PTGS1: variants seen among roughly 807,000 people sequenced by gnomAD.
PTGS1 encodes the protein prostaglandin G/H synthase 1.
A neutral mutation model predicts 63.0 loss-of-function variants in PTGS1; 40 were observed. That is an observed-to-expected ratio of 0.63 (90% CI 0.49 to 0.83). The LOEUF is 0.83. Among genes scored for constraint, PTGS1 ranks in the 40% least tolerant of loss-of-function variants. PTGS1 has a pLI of 0.00. For missense variants in PTGS1, 709 were observed against 786.5 expected (o/e 0.90, Z 1.18); for synonymous variants, 298 against 301.9 (o/e 0.99, Z 0.13).
chr9:122,373,414 G>A (rs1233554379), intron 2 of PTGS1, among the ~76,000 whole-genome samples: 7 of 152,140 alleles, frequency 4.6e-5, no homozygotes, highest in African/African-American at 2.4e-5. Context: ...AGAGATGAGG[G>A]CTGCACTCAC....
rs528305071 is a variant in PTGS1, at chr9:122,395,261, G to T, written c.*2717G>T. 1 of 152,338 alleles carries T rather than the reference G, an allele frequency of 6.6e-6. No individual in the cohort carries two copies. The highest frequency in any genetic ancestry group is 2.4e-5 in the African/African-American group (1 of 41,570). 9.4% of individuals were successfully genotyped at this position (152,338 alleles called of 1,614,324 possible). ...ATGAAAGTTTTGCAAAGGGAAACAG[G>T]CTAAATGCACCAAGAAAGCTTCTTC... On this transcript the variant is annotated 3_prime_UTR_variant, in exon 11 of 11. Coordinates refer to ENST00000362012, the MANE Select transcript of PTGS1 (RefSeq NM_000962.4).
intron 2 of PTGS1, among the ~76,000 whole-genome samples, chr9:122,374,797 C>T (rs1326274936): frequency 1.3e-5 from 2 of 152,168 alleles, no homozygotes; most frequent in East Asian, 3.9e-4. Flanking sequence ...TGCATCAAAG[C>T]GACTCTCCCT....
At chr9:122,378,695 C>T in intron 4 of PTGS1, 80 bp from the exon 5 acceptor site, 1 of 1,602,076 alleles carries the variant, frequency 6.2e-7, no homozygotes, top group East Asian at 2.2e-5. Context: ...TAAAATAAGC[C>T]CCAACCCAGG....
rs1402348004 is a variant in PTGS1, at chr9:122,382,911, G to A, written c.763-598G>A. On this transcript the variant is annotated intron_variant, in intron 7 of 10. Transcript: ENST00000362012. ...ATAAACCCAGAGTTGCATAAAGGAT[G>A]AGGAGGAGTTAGGGATGCTAAGAAT... Among the ~76,000 whole-genome samples, 3 of 152,296 alleles carry A rather than the reference G, an allele frequency of 2.0e-5. No homozygotes were observed. In the East Asian group the frequency reaches 5.8e-4, roughly 29 times the overall value.
Position 122,381,482 on chromosome 9 carries a change from A to T in PTGS1, c.608A>T (p.His203Leu). ...CTCATGTTTGCCTTCTTTGCACAAC[A>T]CTTCACCCACCAGTTCTTCAAAACT... ...TNLMFAFFAQHFTHQFFKTSG... is the reference protein window; with the variant it reads ...TNLMFAFFAQLFTHQFFKTSG... The change falls in exon 6 of 11, where the codon CAC (histidine) becomes CTC (leucine). Residue 203 changes from histidine to leucine, a missense_variant. Transcript: ENST00000362012. The T allele has an allele frequency of 1.9e-6, 3 of 1,614,142 alleles. No individual in the cohort carries two copies. The highest frequency in any genetic ancestry group is 2.5e-6 in the Non-Finnish European group (3 of 1,180,020).
Position 122,392,603 on chromosome 9 carries a change from G to A in PTGS1, c.*59G>A. The A allele has an allele frequency of 1.3e-6, 2 of 1,500,368 alleles. No homozygotes were observed. Among genetic ancestry groups the A allele is most frequent in the Non-Finnish European group, 1.8e-6 (2 of 1,095,384 alleles). The allele number at this position is 1,500,368 out of a possible 1,614,324, so 92.9% of individuals were successfully genotyped here. A position where few individuals can be genotyped will look rare whatever the true frequency, so the allele number is the denominator to read the frequency against. ...TTTGTGCTTGTCATTCCAGAGTGCT[G>A]AGGCCAGGGCTGATGGTCTTAAATG... On this transcript the variant is annotated 3_prime_UTR_variant, in exon 11 of 11. Transcript: ENST00000362012.
At chr9:122,389,586 T>C (rs1475141629) in intron 9 of PTGS1, among the ~76,000 whole-genome samples, 2 of 152,158 alleles carry the variant, frequency 1.3e-5, no homozygotes, top group Non-Finnish European at 2.9e-5. Flanking sequence ...TTACACTACC[T>C]CTTGGTGTAA....
intron 2 of PTGS1, among the ~76,000 whole-genome samples, 177 bp downstream of exon 2, chr9:122,371,449 T>C (rs10306117): frequency 0.063 from 9,655 of 152,322 alleles, 657 homozygotes; most frequent in African/African-American, 0.17. Flanking sequence ...CCCGGCGGTG[T>C]GGCCTTGGCT....
intron 2 of PTGS1, chr9:122,375,190 T>C (rs967251590): frequency 5.0e-6 from 3 of 604,680 alleles, no homozygotes; most frequent in African/African-American, 2.0e-5. Flanking sequence ...GTGGTGTTTA[T>C]GGAAAGAACG....
At chr9:122,375,891 G>T (rs1026968573) in intron 2 of PTGS1, among the ~76,000 whole-genome samples, 1 of 152,108 alleles carries the variant, frequency 6.6e-6, no homozygotes, top group Non-Finnish European at 1.5e-5. Flanking sequence ...GAGCCTAGGG[G>T]AGGCCTAACC....
intron 2 of PTGS1, among the ~76,000 whole-genome samples, chr9:122,374,885 A>T (rs935908227): frequency 2.0e-5 from 3 of 152,154 alleles, no homozygotes; most frequent in Admixed American, 6.5e-5. Context: ...TGGCTCCGCA[A>T]CTTCAAAGCA....
chr9:122,380,075 T>C (rs1296733500), intron 5 of PTGS1, among the ~76,000 whole-genome samples: 1 of 152,162 alleles, frequency 6.6e-6, no homozygotes, highest in Non-Finnish European at 1.5e-5. Context: ...TCATTTAAAA[T>C]AGGTTGACAC....
intron 9 of PTGS1, among the ~76,000 whole-genome samples, chr9:122,389,125 G>T (rs1390389738): frequency 6.7e-6 from 1 of 148,802 alleles, no homozygotes; most frequent in Non-Finnish European, 1.5e-5. Context: ...TTCATCCTAA[G>T]CACCAGAGCT....
chr9:122,381,549 T>A lies in PTGS1; in HGVS notation c.675T>A (p.His225Gln). The change falls in exon 6 of 11, where the codon CAT becomes CAA. Residue 225 changes from histidine (H) to glutamine (Q), a missense_variant. His to Gln is a conservative substitution (Grantham distance 24). Coordinates refer to ENST00000362012, the MANE Select transcript of PTGS1 (RefSeq NM_000962.4). ...MGPGFTKALGHGVDLGHIYGD... is the reference protein window; with the variant it reads ...MGPGFTKALGQGVDLGHIYGD... ...CTGGCTTCACCAAGGCCTTGGGCCATGGGGTGAGTACCTAGGAGGGGCTCA... is the reference window on the plus strand; with the variant it reads ...CTGGCTTCACCAAGGCCTTGGGCCAAGGGGTGAGTACCTAGGAGGGGCTCA... 1 of 1,614,126 alleles carries A rather than the reference T, an allele frequency of 6.2e-7. No homozygotes were observed. Among genetic ancestry groups the A allele is most frequent in the Non-Finnish European group, 8.5e-7 (1 of 1,179,984 alleles).
intron 2 of PTGS1, chr9:122,375,254 G>T (rs1018600879): frequency 6.0e-5 from 59 of 982,738 alleles, no homozygotes; most frequent in Non-Finnish European, 6.6e-5. Context: ...GGAGGGAGGA[G>T]CCTCAGCTCC....
intron 5 of PTGS1, among the ~76,000 whole-genome samples, chr9:122,379,790 A>T (rs987310629): frequency 1.3e-5 from 2 of 151,724 alleles, no homozygotes; most frequent in African/African-American, 4.9e-5. Context: ...CTTTTGGTGG[A>T]TTTTCTTTAG....
At chr9:122,391,430 T>TATATAC (rs1564147747) in intron 10 of PTGS1, among the ~76,000 whole-genome samples, 12 of 25,390 alleles carry the variant, frequency 4.7e-4, no homozygotes, top group South Asian at 4.8e-3. Context: ...TATATATACA[T>TATATAC]ATATATATAT....
At chr9:122,391,432 T>TAC (rs1838277280) in intron 10 of PTGS1, among the ~76,000 whole-genome samples, 1 of 128,808 alleles carries the variant, frequency 7.8e-6, no homozygotes. Context: ...TATATACATA[T>TAC]ATATATATAT....
At chr9:122,391,454 A>G (rs1838281004) in intron 10 of PTGS1, among the ~76,000 whole-genome samples, 1 of 132,772 alleles carries the variant, frequency 7.5e-6, no homozygotes, top group Non-Finnish European at 1.6e-5. Context: ...TATTTCCCCC[A>G]ATATCCTCAG....
Sources: allele counts gnomAD v4.1 joint callset (sites outside exome capture counted in the v4.1 genomes callset), GRCh38; gene constraint gnomAD v4.1.1; transcripts MANE v1.5; gene names NCBI Gene and HGNC (gene_info 2026-07-23, HGNC 2026-07-21).